The following MAGI2 variants were observed in gnomAD, a reference collection of about 807,000 sequenced individuals.
MAGI2 encodes membrane-associated guanylate kinase, WW and PDZ domain-containing protein 2.
A neutral mutation model predicts 133.3 loss-of-function variants in MAGI2; 35 were observed. That is an observed-to-expected ratio of 0.26 (90% CI 0.20 to 0.35). MAGI2 has a LOEUF of 0.35. MAGI2 is among the 10% of genes least tolerant of loss of function. MAGI2 has a pLI of 1.00. For missense variants in MAGI2, 1,636 were observed against 1,863.4 expected (o/e 0.88, Z 2.25); for synonymous variants, 729 against 710.6 (o/e 1.03, Z -0.41).
At chr7:79,142,553 G>C (rs1404713282) in intron 1 of MAGI2, among the ~76,000 whole-genome samples, 1 of 152,148 alleles carries the variant, frequency 6.6e-6, no homozygotes. Flanking sequence ...AGAATGTTTT[G>C]CTGTGAGTGT....
At chr7:78,780,081 G>A (rs368179277) in intron 2 of MAGI2, among the ~76,000 whole-genome samples, 30 of 152,292 alleles carry the variant, frequency 2.0e-4, no homozygotes, top group East Asian at 1.2e-3. Flanking sequence ...TGAACAGTCC[G>A]CAACAGTCAT....
intron 1 of MAGI2, among the ~76,000 whole-genome samples, chr7:79,319,992 G>T (rs2129561528): frequency 6.6e-6 from 1 of 152,232 alleles, no homozygotes; most frequent in East Asian, 1.9e-4. Flanking sequence ...ATTTTCAAAT[G>T]CATAGGTTAA....
intron 6 of MAGI2, among the ~76,000 whole-genome samples, chr7:78,376,299 T>C (rs1412952895): frequency 6.6e-6 from 1 of 152,164 alleles, no homozygotes; most frequent in Non-Finnish European, 1.5e-5. Flanking sequence ...CCGCTCTCTT[T>C]CATCTTTCTC....
intron 10 of MAGI2, among the ~76,000 whole-genome samples, chr7:78,239,030 A>C (rs11761692): frequency 0.29 from 44,292 of 151,750 alleles, 7,492 homozygotes; most frequent in Non-Finnish European, 0.37. Context: ...TTCTGCTTGC[A>C]TGGGCAATTC....
intron 2 of MAGI2, among the ~76,000 whole-genome samples, chr7:78,982,653 A>G (rs1480476513): frequency 2.0e-5 from 3 of 151,828 alleles, no homozygotes; most frequent in African/African-American, 7.3e-5. Context: ...TCATCCAAGA[A>G]ACACAAAATC....
intron 1 of MAGI2, among the ~76,000 whole-genome samples, chr7:79,222,069 A>C (rs969051191): frequency 2.0e-5 from 3 of 152,094 alleles, no homozygotes; most frequent in Non-Finnish European, 4.4e-5. Flanking sequence ...TCGATGGGAA[A>C]ATATGCAGTT....
chr7:78,578,090 TTTTCAC>T (rs1209469982), intron 3 of MAGI2, among the ~76,000 whole-genome samples: 1 of 151,726 alleles, frequency 6.6e-6, no homozygotes, highest in Non-Finnish European at 1.5e-5. Context: ...ATTTTATTGG[TTTTCAC>T]TTTAAGTAGG....
chr7:78,794,020 G>T (rs1340008415), intron 2 of MAGI2, among the ~76,000 whole-genome samples: 1 of 152,214 alleles, frequency 6.6e-6, no homozygotes, highest in Non-Finnish European at 1.5e-5. Context: ...GACCTATAAA[G>T]TGACTAGATG....
intron 2 of MAGI2, among the ~76,000 whole-genome samples, chr7:78,980,198 A>G (rs919963176): frequency 1.3e-5 from 2 of 151,838 alleles, no homozygotes; most frequent in African/African-American, 4.8e-5. Flanking sequence ...AAAATGAGAT[A>G]ATGATTATAT....
intron 20 of MAGI2, among the ~76,000 whole-genome samples, chr7:78,103,321 T>G (rs922334211): frequency 4.6e-5 from 7 of 152,258 alleles, no homozygotes; most frequent in Admixed American, 4.6e-4. Flanking sequence ...AGTTCTCATT[T>G]GTAGTCAGCC....
At chr7:78,552,636 C>G (rs1236934729) in intron 3 of MAGI2, among the ~76,000 whole-genome samples, 3 of 152,028 alleles carry the variant, frequency 2.0e-5, no homozygotes, top group Non-Finnish European at 4.4e-5. Context: ...CTGTAGATGC[C>G]GTACTGTAAA....
chr7:79,163,251 C>T (rs577373320), intron 1 of MAGI2, among the ~76,000 whole-genome samples: 135 of 152,202 alleles, frequency 8.9e-4, no homozygotes, highest in East Asian at 3.1e-3. Context: ...TCTCAGATCA[C>T]GATAACCTCT....
At chr7:78,516,565 C>G (rs1184182595) in intron 4 of MAGI2, among the ~76,000 whole-genome samples, 1 of 152,130 alleles carries the variant, frequency 6.6e-6, no homozygotes, top group African/African-American at 2.4e-5. Context: ...GTTGCCCAGG[C>G]TGGTCTTGAA....
At chr7:78,154,409 G>C (rs1824184093) in intron 16 of MAGI2, among the ~76,000 whole-genome samples, 1 of 152,246 alleles carries the variant, frequency 6.6e-6, no homozygotes. Flanking sequence ...GTGCTGACCA[G>C]TGATGCACTT....
intron 1 of MAGI2, among the ~76,000 whole-genome samples, chr7:79,018,309 TGAA>T (rs1808941491): frequency 1.3e-5 from 2 of 152,192 alleles, no homozygotes; most frequent in South Asian, 4.2e-4. Context: ...GCTTTCGAAG[TGAA>T]GGAGAAATAA....
chr7:78,916,233 A>G (rs572903744), intron 2 of MAGI2, among the ~76,000 whole-genome samples: 111 of 152,226 alleles, frequency 7.3e-4, no homozygotes, highest in South Asian at 1.5e-3. Context: ...AATAAATGAA[A>G]TAATATGTGT....
intron 1 of MAGI2, among the ~76,000 whole-genome samples, chr7:79,271,642 A>C (rs920619720): frequency 6.7e-6 from 1 of 149,804 alleles, no homozygotes; most frequent in Non-Finnish European, 1.5e-5. Flanking sequence ...ATATTTCTGC[A>C]GGATGCTTGC....
intron 6 of MAGI2, among the ~76,000 whole-genome samples, chr7:78,464,101 C>T (rs1790362717): frequency 6.6e-6 from 1 of 152,126 alleles, no homozygotes; most frequent in South Asian, 2.1e-4. Flanking sequence ...ATATCATTAT[C>T]ATAATTATTG....
intron 1 of MAGI2, among the ~76,000 whole-genome samples, chr7:79,336,999 G>A (rs1326450582): frequency 4.0e-4 from 60 of 148,544 alleles, no homozygotes; most frequent in Non-Finnish European, 3.7e-4. Context: ...TTCTGTCACA[G>A]AAAAAAAAAA....
Sources: gnomAD v4.1 joint callset for allele counts (sites outside exome capture counted in the v4.1 genomes callset) on GRCh38, gnomAD v4.1.1 for gene constraint, MANE v1.5 for transcripts, NCBI Gene and HGNC (gene_info 2026-07-23, HGNC 2026-07-21) for gene names.